The following IFT88 variants were observed in gnomAD, a reference collection of about 807,000 sequenced individuals.
IFT88 encodes the protein intraflagellar transport protein 88 homolog.
IFT88 carries 74 observed loss-of-function variants against 119.5 expected under a neutral mutation model. That is an observed-to-expected ratio of 0.62 (90% CI 0.51 to 0.75). The LOEUF is 0.75. Ranked by LOEUF, IFT88 falls within the 30% of genes least tolerant of loss-of-function variation. The probability of loss-of-function intolerance (pLI) is 0.00; values close to 1 mark genes in which losing one functional copy is unlikely to be tolerated. For synonymous variants in IFT88, 279 were observed against 316.7 expected (o/e 0.88, Z 1.26); for missense variants, 961 against 977.7 (o/e 0.98, Z 0.23).
chr13:20,596,175 G>T lies in IFT88; in HGVS notation c.424G>T (p.Glu142Ter). 1.3e-6 allele frequency: 2 copies of T among 1,548,012 alleles called. No individual in the cohort carries two copies. Among genetic ancestry groups the T allele is most frequent in the Non-Finnish European group, 1.8e-6 (2 of 1,138,488 alleles). The change falls in exon 8 of 26, where the codon GAG becomes TAG. Residue 142 changes from glutamate (E) to a stop codon, truncating the protein, a stop_gained. Coordinates refer to ENST00000351808, the MANE Select transcript of IFT88 (RefSeq NM_006531.5). LOFTEE classifies it high-confidence loss of function. The part of the protein sequence containing the change: ...DSPEEKIKQL[E>*]KEVNELVEES... ...CCCAGAGGAAAAAATAAAGCAATTA[G>T]AGAAGGAAGTAAATGAGTTGGTAGA...
At chr13:20,572,725 C>G (rs2036621806) in intron 1 of IFT88, among the ~76,000 whole-genome samples, 2 of 152,128 alleles carry the variant, frequency 1.3e-5, no homozygotes. Context: ...TGCCAAGATA[C>G]AGAACATTTA....
Position 20,638,330 on chromosome 13 carries a change from A to C in IFT88, c.1387-2A>C. ...AATAATTTGTATATGTATTTTACTT[A>C]GGGAAAGGATTTTGCACAAGCCAGC... On this transcript the variant is annotated splice_acceptor_variant, in intron 16 of 25. Coordinates refer to ENST00000351808, the MANE Select transcript of IFT88 (RefSeq NM_006531.5). LOFTEE classifies it high-confidence loss of function. The C allele has an allele frequency of 7.5e-7, 1 of 1,331,802 alleles. No individual in the cohort carries two copies. Among genetic ancestry groups the C allele is most frequent in the Non-Finnish European group, 9.7e-7 (1 of 1,028,612 alleles). 82.5% of individuals were successfully genotyped at this position (1,331,802 alleles called of 1,614,324 possible). A position where few individuals can be genotyped will look rare whatever the true frequency, so the allele number is the denominator to read the frequency against.
At chr13:20,645,214 C>T (rs9509313) in intron 20 of IFT88, among the ~76,000 whole-genome samples, 60,447 of 151,854 alleles carry the variant, frequency 0.4, 13,840 homozygotes, top group Non-Finnish European at 0.52. Flanking sequence ...CTCAGCCTCC[C>T]GAGTAGCTGG....
chr13:20,677,196 G>A (rs1054006165), intron 24 of IFT88, among the ~76,000 whole-genome samples: 3 of 152,082 alleles, frequency 2.0e-5, no homozygotes, highest in Non-Finnish European at 4.4e-5. Context: ...CCTCACTTGA[G>A]TATTGCCTAT....
chr13:20,598,800 G>C (rs765665563), intron 10 of IFT88, 47 bp downstream of exon 10: 2 of 1,120,566 alleles, frequency 1.8e-6, no homozygotes, highest in African/African-American at 3.1e-5. Context: ...TTCTTTCGTA[G>C]TGTTAATTTA....
intron 22 of IFT88, chr13:20,663,245 G>T: frequency 2.1e-6 from 3 of 1,438,138 alleles, no homozygotes; most frequent in African/African-American, 2.8e-5. Flanking sequence ...GCAGTGTCCT[G>T]TGCCATGTTC....
At chr13:20,672,313 G>C (rs1300507132) in intron 24 of IFT88, among the ~76,000 whole-genome samples, 1 of 152,160 alleles carries the variant, frequency 6.6e-6, no homozygotes, top group Non-Finnish European at 1.5e-5. Context: ...TAAACCTCAT[G>C]GTGCTGGCCT....
chr13:20,629,668 C>G (rs1366797555), intron 15 of IFT88, among the ~76,000 whole-genome samples: 3 of 152,154 alleles, frequency 2.0e-5, no homozygotes, highest in Non-Finnish European at 4.4e-5. Context: ...AGTTTGCCTA[C>G]TGGTATTTCA....
intron 20 of IFT88, among the ~76,000 whole-genome samples, chr13:20,645,547 C>A (rs1357847110): frequency 6.6e-6 from 1 of 152,006 alleles, no homozygotes; most frequent in Non-Finnish European, 1.5e-5. Context: ...GTTCCTTTAT[C>A]AATCAGAAAA....
At chr13:20,639,763 A>G (rs2049568350) in intron 17 of IFT88, among the ~76,000 whole-genome samples, 1 of 135,474 alleles carries the variant, frequency 7.4e-6, no homozygotes, top group African/African-American at 2.7e-5. Flanking sequence ...GAATTGTTTT[A>G]TTATTGATAT....
intron 13 of IFT88, among the ~76,000 whole-genome samples, chr13:20,607,021 AT>A (rs2043598545): frequency 6.6e-6 from 1 of 152,312 alleles, no homozygotes; most frequent in Non-Finnish European, 1.5e-5. Context: ...TCTATTAAGA[AT>A]TTATATCAGG....
intron 14 of IFT88, among the ~76,000 whole-genome samples, chr13:20,619,413 A>T (rs1489810196): frequency 6.6e-6 from 1 of 152,176 alleles, no homozygotes; most frequent in African/African-American, 2.4e-5. Context: ...TTCTTTAACC[A>T]TCTAAGCAGG....
intron 8 of IFT88, among the ~76,000 whole-genome samples, 171 bp downstream of exon 8, chr13:20,596,411 T>A (rs2041648220): frequency 6.6e-6 from 1 of 152,248 alleles, no homozygotes; most frequent in Admixed American, 6.5e-5. Flanking sequence ...TAAATTTGAA[T>A]GTCAGAATAA....
At chr13:20,653,627 TG>T (rs1203073866) in intron 20 of IFT88, among the ~76,000 whole-genome samples, 2 of 152,202 alleles carry the variant, frequency 1.3e-5, no homozygotes, top group African/African-American at 2.4e-5. Context: ...ACAGGTTAAG[TG>T]GTTCTCATAT....
At chr13:20,665,699 C>T (rs902969781) in intron 23 of IFT88, among the ~76,000 whole-genome samples, 4 of 152,186 alleles carry the variant, frequency 2.6e-5, no homozygotes, top group South Asian at 4.1e-4. Context: ...TCTGTTGTTT[C>T]GCTCAGAAAA....
At chr13:20,675,373 G>A (rs1312519584) in intron 24 of IFT88, among the ~76,000 whole-genome samples, 1 of 152,126 alleles carries the variant, frequency 6.6e-6, no homozygotes, top group Admixed American at 6.6e-5. Context: ...CAGGATACCC[G>A]AGTATCCAGC....
chr13:20,656,350 CTT>C lies in IFT88; in HGVS notation c.2003-14_2003-13del, dbSNP rs759871944. The C allele has an allele frequency of 1.6e-3, 1,971 of 1,225,604 alleles. 25 individuals carry two copies. Among genetic ancestry groups the C allele is most frequent in the Non-Finnish European group, 5.9e-4 (512 of 874,412 alleles). The allele number at this position is 1,225,604 out of a possible 1,614,324, so 75.9% of individuals were successfully genotyped here. A position where few individuals can be genotyped will look rare whatever the true frequency, so the allele number is the denominator to read the frequency against. ...CTATAATTTGCTAATATATTTTTCT[CTT>C]GTTTGTTTATAGGTAACTACCAAAA... On this transcript the variant is annotated splice_polypyrimidine_tract_variant and intron_variant, in intron 21 of 25. Transcript: ENST00000351808.
At chr13:20,625,126 C>T (rs2497484) in intron 14 of IFT88, among the ~76,000 whole-genome samples, 99,280 of 151,896 alleles carry the variant, frequency 0.65, 33,421 homozygotes, top group Middle Eastern at 0.77. Context: ...TGAAAAATGC[C>T]AGTCTTGATG....
At chr13:20,596,964 A>G (rs1277822223) in intron 8 of IFT88, 51 bp from the exon 9 acceptor site, 1 of 1,015,976 alleles carries the variant, frequency 9.8e-7, no homozygotes, top group Admixed American at 2.8e-5. Context: ...TCAAATGCAT[A>G]AAAGTTGATG....
Sources: gnomAD v4.1 joint callset for allele counts (sites outside exome capture counted in the v4.1 genomes callset) on GRCh38, gnomAD v4.1.1 for gene constraint, MANE v1.5 for transcripts, NCBI Gene and HGNC (gene_info 2026-07-23, HGNC 2026-07-21) for gene names.